The following HDAC9 variants were observed in gnomAD, a reference collection of about 807,000 sequenced individuals.
HDAC9 encodes histone deacetylase 9, also known as MEF-2 interacting transcription repressor (MITR) protein.
HDAC9 carries 41 observed loss-of-function variants against 139.4 expected under a neutral mutation model. The ratio of observed to expected loss-of-function variants is 0.29; its 90% CI spans 0.23 to 0.38. The LOEUF is 0.38. HDAC9 is among the 10% of genes least tolerant of loss of function. The probability of loss-of-function intolerance (pLI) is 1.00; values close to 1 mark genes in which losing one functional copy is unlikely to be tolerated. For missense variants in HDAC9, 1,147 were observed against 1,297.0 expected (o/e 0.88, Z 1.78); for synonymous variants, 517 against 476.2 (o/e 1.09, Z -1.12).
intron 22 of HDAC9, among the ~76,000 whole-genome samples, chr7:18,884,409 T>C (rs1170593921): frequency 6.6e-6 from 1 of 152,134 alleles, no homozygotes; most frequent in Non-Finnish European, 1.5e-5. Flanking sequence ...CATGGTCAAT[T>C]GATCTTTGAC....
chr7:18,263,223 G>C (rs1795790246), intron 2 of HDAC9, among the ~76,000 whole-genome samples: 1 of 152,166 alleles, frequency 6.6e-6, no homozygotes, highest in Non-Finnish European at 1.5e-5. Context: ...ACTAATATCA[G>C]TATGTTGTGT....
intron 6 of HDAC9, among the ~76,000 whole-genome samples, chr7:18,606,666 C>A (rs1257947345): frequency 6.6e-6 from 1 of 152,060 alleles, no homozygotes; most frequent in Non-Finnish European, 1.5e-5. Flanking sequence ...ATTTTAGCTT[C>A]TTTTCAAAAT....
chr7:18,536,780 CA>C (rs1441589215), intron 2 of HDAC9, among the ~76,000 whole-genome samples: 1 of 152,168 alleles, frequency 6.6e-6, no homozygotes, highest in Non-Finnish European at 1.5e-5. Flanking sequence ...TTGTATACAA[CA>C]AAAATCCTCC....
chr7:18,434,307 G>A (rs779745705), intron 1 of HDAC9, among the ~76,000 whole-genome samples: 40 of 152,280 alleles, frequency 2.6e-4, no homozygotes, highest in Admixed American at 7.8e-4. Context: ...AACCCTAGAA[G>A]AAAACCTAGG....
chr7:18,232,151 A>T (rs1793503854), intron 2 of HDAC9, among the ~76,000 whole-genome samples: 2 of 152,142 alleles, frequency 1.3e-5, no homozygotes, highest in Non-Finnish European at 2.9e-5. Context: ...CTTACACTGA[A>T]ATAACTGCCC....
chr7:18,393,893 A>C (rs1010258643), intron 1 of HDAC9, among the ~76,000 whole-genome samples: 1 of 152,188 alleles, frequency 6.6e-6, no homozygotes, highest in African/African-American at 2.4e-5. Context: ...TGGCAAGTGA[A>C]TTGCGTGTGG....
intron 2 of HDAC9, among the ~76,000 whole-genome samples, chr7:18,231,316 C>T (rs1019656767): frequency 2.0e-5 from 3 of 152,306 alleles, no homozygotes; most frequent in Admixed American, 1.3e-4. Context: ...ATTGCATAGA[C>T]TCATTGGGTA....
chr7:18,130,913 A>G (rs929834830), intron 1 of HDAC9, among the ~76,000 whole-genome samples: 2 of 152,082 alleles, frequency 1.3e-5, no homozygotes, highest in African/African-American at 4.8e-5. Context: ...CACCATTAGC[A>G]ATGTCCAAAC....
chr7:18,147,516 A>G (rs188576764), intron 1 of HDAC9, among the ~76,000 whole-genome samples: 2 of 152,020 alleles, frequency 1.3e-5, no homozygotes. Flanking sequence ...TCATTGGAGC[A>G]TATGTTGTTT....
At chr7:18,413,357 G>A (rs926045277) in intron 1 of HDAC9, among the ~76,000 whole-genome samples, 3 of 152,074 alleles carry the variant, frequency 2.0e-5, no homozygotes, top group Non-Finnish European at 2.9e-5. Context: ...GAATTCTTTG[G>A]AACTAATGAT....
intron 22 of HDAC9, among the ~76,000 whole-genome samples, chr7:18,917,730 C>A (rs10264621): frequency 0.15 from 23,382 of 151,826 alleles, 2,227 homozygotes; most frequent in East Asian, 0.34. Context: ...GTGTTACTAT[C>A]CCCGATTTAT....
chr7:18,442,109 G>A (rs1350679830), intron 1 of HDAC9, among the ~76,000 whole-genome samples: 1 of 151,984 alleles, frequency 6.6e-6, no homozygotes, highest in Admixed American at 6.6e-5. Flanking sequence ...GACATAGAGG[G>A]GAAATTAGTT....
At chr7:18,402,255 A>G (rs1051210504) in intron 1 of HDAC9, among the ~76,000 whole-genome samples, 5 of 152,330 alleles carry the variant, frequency 3.3e-5, no homozygotes, top group African/African-American at 1.2e-4. Flanking sequence ...AATAGGCATA[A>G]AAATACAGTA....
chr7:18,587,165 A>G (rs1583730294), intron 3 of HDAC9, among the ~76,000 whole-genome samples: 1 of 152,122 alleles, frequency 6.6e-6, no homozygotes, highest in South Asian at 2.1e-4. Context: ...GTTAATATAA[A>G]TTGTTTAGAA....
At chr7:18,188,926 A>T (rs1294693146) in intron 2 of HDAC9, among the ~76,000 whole-genome samples, 1 of 152,218 alleles carries the variant, frequency 6.6e-6, no homozygotes, top group African/African-American at 2.4e-5. Flanking sequence ...ATTGTGGAAG[A>T]CAGTATGGCA....
chr7:18,796,012 A>G (rs549529804), intron 17 of HDAC9, among the ~76,000 whole-genome samples: 19 of 152,368 alleles, frequency 1.2e-4, no homozygotes, highest in African/African-American at 4.3e-4. Context: ...ATTTTTCTGC[A>G]TCTACATTCA....
At chr7:18,478,346 C>G (rs564913139) in intron 1 of HDAC9, among the ~76,000 whole-genome samples, 2 of 152,350 alleles carry the variant, frequency 1.3e-5, no homozygotes, top group African/African-American at 2.4e-5. Flanking sequence ...GCTGGGATTA[C>G]AGGCGTGAGC....
upstream of HDAC9, among the ~76,000 whole-genome samples, chr7:18,493,762 A>G (rs1191999025): frequency 2.0e-5 from 3 of 151,890 alleles, no homozygotes; most frequent in African/African-American, 4.8e-5. Flanking sequence ...TGTTCTTTAC[A>G]TAAATGTTTT....
intron 25 of HDAC9, among the ~76,000 whole-genome samples, chr7:18,978,087 C>T (rs886079361): frequency 6.6e-6 from 1 of 152,020 alleles, no homozygotes; most frequent in Admixed American, 6.6e-5. Context: ...GTGGCGGAAA[C>T]GTTTCTGGGC....
Sources: gnomAD v4.1 joint callset for allele counts (sites outside exome capture counted in the v4.1 genomes callset) on GRCh38, gnomAD v4.1.1 for gene constraint, MANE v1.5 for transcripts, NCBI Gene and HGNC (gene_info 2026-07-23, HGNC 2026-07-21) for gene names.